Variants in NRP1 observed in about 807,000 individuals in gnomAD.
NRP1 encodes neuropilin 1.
In NRP1, 35 loss-of-function variants were observed where a neutral mutation model predicts 106.7. The observed-to-expected ratio is 0.33, with a 90% CI of 0.25 to 0.43. NRP1 has a LOEUF of 0.43. Ranked by LOEUF, NRP1 falls within the 20% of genes least tolerant of loss-of-function variation. NRP1 has a pLI of 1.00. For synonymous variants in NRP1, 437 were observed against 417.9 expected, an observed-to-expected ratio of 1.05 and a Z score of -0.56; for missense variants, 1,024 against 1,170.4, an observed-to-expected ratio of 0.87 and a Z score of 1.83.
chr10:33,328,001 A>G (rs1360457), intron 2 of NRP1, among the ~76,000 whole-genome samples: 133,111 of 152,086 alleles, frequency 0.88, 58,461 homozygotes, highest in East Asian at 0.99. Flanking sequence ...CCAGGAGATG[A>G]CACCTTCACA....
chr10:33,199,016 C>T (rs1029991392), intron 11 of NRP1, among the ~76,000 whole-genome samples: 2 of 152,022 alleles, frequency 1.3e-5, no homozygotes, highest in African/African-American at 4.8e-5. Flanking sequence ...TTAGCTTTAC[C>T]CTCTCTTCCA....
intron 2 of NRP1, among the ~76,000 whole-genome samples, chr10:33,317,726 T>C (rs1340189344): frequency 6.6e-6 from 1 of 152,218 alleles, no homozygotes; most frequent in Non-Finnish European, 1.5e-5. Flanking sequence ...GATGCTATTA[T>C]CATCAAGTTC....
At chr10:33,330,054 A>T (rs1464989136) in intron 2 of NRP1, among the ~76,000 whole-genome samples, 1 of 152,222 alleles carries the variant, frequency 6.6e-6, no homozygotes, top group African/African-American at 2.4e-5. Context: ...GGTGGATGAA[A>T]CACTGATGTG....
chr10:33,205,967 A>T, intron 10 of NRP1: 1 of 226,604 alleles, frequency 4.4e-6, no homozygotes, highest in Admixed American at 4.9e-5. Context: ...AAGTTAAACT[A>T]TAAGTTCCTC....
chr10:33,195,697 A>T, intron 12 of NRP1: 1 of 404,676 alleles, frequency 2.5e-6, no homozygotes, highest in South Asian at 1.9e-5. Context: ...CTGGGCATTG[A>T]CTTAGCCAGA....
At chr10:33,246,534 T>C (rs2133112496) in intron 6 of NRP1, among the ~76,000 whole-genome samples, 1 of 152,110 alleles carries the variant, frequency 6.6e-6, no homozygotes, top group African/African-American at 2.4e-5. Context: ...TTGTCTTCCT[T>C]CCAGATGAAT....
chr10:33,189,568 C>T (rs1836268720), intron 13 of NRP1, among the ~76,000 whole-genome samples: 1 of 152,182 alleles, frequency 6.6e-6, no homozygotes, highest in Non-Finnish European at 1.5e-5. Flanking sequence ...AGCATCTGCC[C>T]TGTAACAGAG....
chr10:33,312,229 G>T (rs1846657648), intron 2 of NRP1, among the ~76,000 whole-genome samples: 1 of 152,072 alleles, frequency 6.6e-6, no homozygotes, highest in Non-Finnish European at 1.5e-5. Context: ...AGTCTTTATT[G>T]GTGACAAACA....
At chr10:33,246,870 A>G (rs1272470872) in intron 6 of NRP1, among the ~76,000 whole-genome samples, 1 of 152,210 alleles carries the variant, frequency 6.6e-6, no homozygotes, top group Non-Finnish European at 1.5e-5. Flanking sequence ...GGTCCTATGT[A>G]TGCTCTGGAT....
At chr10:33,249,416 G>A (rs746052403) in intron 6 of NRP1, 11 of 517,496 alleles carry the variant, frequency 2.1e-5, no homozygotes, top group Non-Finnish European at 2.8e-5. Context: ...TGAATGGAGT[G>A]AAGGCTACGT....
intron 2 of NRP1, among the ~76,000 whole-genome samples, chr10:33,283,317 C>T (rs889266341): frequency 1.3e-5 from 2 of 152,260 alleles, no homozygotes; most frequent in Admixed American, 6.5e-5. Context: ...GATTCTGATA[C>T]ATTCATGCTT....
chr10:33,227,425 T>C (rs946681585), intron 6 of NRP1, among the ~76,000 whole-genome samples: 2 of 145,546 alleles, frequency 1.4e-5, no homozygotes, highest in Non-Finnish European at 3.0e-5. Context: ...TAACTTGGGA[T>C]GGAGTAAAGA....
At chr10:33,310,314 C>T (rs1298424213) in intron 2 of NRP1, among the ~76,000 whole-genome samples, 2 of 129,664 alleles carry the variant, frequency 1.5e-5, no homozygotes, top group Admixed American at 8.5e-5. Flanking sequence ...GCAATGGCAC[C>T]ATCTCGGCTC....
chr10:33,180,433 T>C (rs1835613029), intron 16 of NRP1, 68 bp from the exon 17 acceptor site: 1 of 1,465,432 alleles, frequency 6.8e-7, no homozygotes, highest in Non-Finnish European at 9.2e-7. Context: ...GACAGAAAAA[T>C]AGAAAGGAAC....
At position 33,221,876 on chromosome 10, in the gene NRP1, A is replaced by G; in HGVS notation, c.1138-13T>C. 1.9e-6 allele frequency: 3 copies of G among 1,594,042 alleles called. No individual in the cohort carries two copies. Among genetic ancestry groups the G allele is most frequent in the East Asian group, 2.3e-5 (1 of 44,346 alleles). On this transcript the variant is annotated splice_polypyrimidine_tract_variant and intron_variant, in intron 7 of 16. Coordinates refer to ENST00000374867, the MANE Select transcript of NRP1 (RefSeq NM_003873.7). ...TTCCCTGAAAGAGCTGTATGGGGAAAAAAAGTGCCTTTCTTTAGCAGAGGT... is the reference window on the plus strand; with the variant it reads ...TTCCCTGAAAGAGCTGTATGGGGAAGAAAAGTGCCTTTCTTTAGCAGAGGT...
At chr10:33,321,042 A>G (rs572304802) in intron 2 of NRP1, among the ~76,000 whole-genome samples, 8 of 152,172 alleles carry the variant, frequency 5.3e-5, no homozygotes, top group African/African-American at 1.9e-4. Context: ...GCTAGAGTGC[A>G]ATGGCCTGAT....
At chr10:33,252,246 C>T (rs963902245) in intron 6 of NRP1, among the ~76,000 whole-genome samples, 2 of 152,058 alleles carry the variant, frequency 1.3e-5, no homozygotes, top group African/African-American at 4.8e-5. Flanking sequence ...CCTTCCGGCT[C>T]CCCCAGCAAT....
At chr10:33,194,679 C>T (rs1836650833) in intron 12 of NRP1, 1 of 499,598 alleles carries the variant, frequency 2.0e-6, no homozygotes, top group South Asian at 1.5e-5. Context: ...GATCATGTAA[C>T]TTGTGGCAAT....
At chr10:33,212,488 G>A (rs1838383039) in intron 9 of NRP1, 1 of 152,220 alleles carries the variant, frequency 6.6e-6, no homozygotes, top group South Asian at 2.1e-4. Context: ...AGAAAGTGGA[G>A]GTGGTCACCA....
Sources: allele counts gnomAD v4.1 joint callset (sites outside exome capture counted in the v4.1 genomes callset), GRCh38; gene constraint gnomAD v4.1.1; transcripts MANE v1.5; gene names NCBI Gene and HGNC (gene_info 2026-07-23, HGNC 2026-07-21).